The following ZBTB16 variants were observed in gnomAD, a reference collection of about 807,000 sequenced individuals.
The protein encoded by ZBTB16 is zinc finger and BTB domain containing 16.
A neutral mutation model predicts 56.8 loss-of-function variants in ZBTB16; 8 were observed. That is an observed-to-expected ratio of 0.14 (90% CI 0.08 to 0.25). The LOEUF is 0.25. Among genes scored for constraint, ZBTB16 ranks in the 10% least tolerant of loss-of-function variants. The probability of loss-of-function intolerance (pLI) is 1.00; values close to 1 mark genes in which losing one functional copy is unlikely to be tolerated. For missense variants in ZBTB16, 625 were observed against 903.0 expected (o/e 0.69, Z 3.95); for synonymous variants, 363 against 368.5 (o/e 0.98, Z 0.17).
chr11:114,116,307 A>G (rs1255466354), intron 2 of ZBTB16, among the ~76,000 whole-genome samples: 1 of 152,194 alleles, frequency 6.6e-6, no homozygotes, highest in Non-Finnish European at 1.5e-5. Context: ...TAGAGGCACA[A>G]CTGACTTTAT....
chr11:114,235,693 T>TCTTTCTTTCTC (rs10669266), intron 4 of ZBTB16, among the ~76,000 whole-genome samples: 1 of 114,304 alleles, frequency 8.7e-6, no homozygotes, highest in African/African-American at 3.2e-5. Context: ...TTTCTTTCTT[T>TCTTTCTTTCTC]TCTTTCTTTC....
At chr11:114,184,718 C>G (rs1382721694) in intron 3 of ZBTB16, among the ~76,000 whole-genome samples, 2 of 152,148 alleles carry the variant, frequency 1.3e-5, no homozygotes, top group Non-Finnish European at 2.9e-5. Flanking sequence ...TTGGGACAAA[C>G]CATACATACT....
At chr11:114,100,426 C>T (rs116518362) in intron 2 of ZBTB16, among the ~76,000 whole-genome samples, 1 of 152,248 alleles carries the variant, frequency 6.6e-6, no homozygotes, top group African/African-American at 2.4e-5. Context: ...AATATTCTTT[C>T]CTTACCACCC....
chr11:114,188,697 C>T (rs1179061045), intron 4 of ZBTB16: 2 of 152,170 alleles, frequency 1.3e-5, no homozygotes, highest in Non-Finnish European at 2.9e-5. Context: ...TGCTGCCTCT[C>T]ATGGAACTGA....
chr11:114,242,089 G>A, intron 4 of ZBTB16, 78 bp from the exon 5 acceptor site: 1 of 1,582,056 alleles, frequency 6.3e-7, no homozygotes. Flanking sequence ...TCCCGACACT[G>A]GCTCTCACTC....
intron 4 of ZBTB16, among the ~76,000 whole-genome samples, chr11:114,235,678 C>CTTTCTTTCTTTCTTTCT (rs1944559290): frequency 3.5e-5 from 1 of 28,540 alleles, no homozygotes; most frequent in African/African-American, 9.6e-5. Context: ...TTCTTTCTTT[C>CTTTCTTTCTTTCTTTCT]TTTCTTTCTT....
chr11:114,123,407 G>A (rs1027021335), intron 2 of ZBTB16, among the ~76,000 whole-genome samples: 3 of 152,052 alleles, frequency 2.0e-5, no homozygotes, highest in African/African-American at 7.3e-5. Context: ...CCTCATTGTC[G>A]AACTCAAACA....
At chr11:114,076,500 G>A (rs993122622) in intron 2 of ZBTB16, among the ~76,000 whole-genome samples, 1 of 152,140 alleles carries the variant, frequency 6.6e-6, no homozygotes, top group Non-Finnish European at 1.5e-5. Context: ...CTGCTTCGAA[G>A]GCGTTTGTAG....
At chr11:114,074,087 T>C (rs903157213) in intron 2 of ZBTB16, among the ~76,000 whole-genome samples, 1 of 152,216 alleles carries the variant, frequency 6.6e-6, no homozygotes, top group East Asian at 1.9e-4. Flanking sequence ...TACCTCTCAA[T>C]GTGGTTTTTA....
intron 2 of ZBTB16, among the ~76,000 whole-genome samples, chr11:114,106,223 T>A (rs1046209167): frequency 2.0e-5 from 3 of 152,082 alleles, no homozygotes; most frequent in African/African-American, 7.2e-5. Context: ...CTTTCTGAAG[T>A]GTTCCGTAGC....
intron 4 of ZBTB16, among the ~76,000 whole-genome samples, chr11:114,212,508 C>T (rs1944017353): frequency 6.6e-6 from 1 of 152,126 alleles, no homozygotes; most frequent in African/African-American, 2.4e-5. Context: ...TTCTCTGCTC[C>T]AATTTTCTCC....
At chr11:114,098,674 G>C (rs1263004542) in intron 2 of ZBTB16, among the ~76,000 whole-genome samples, 1 of 152,142 alleles carries the variant, frequency 6.6e-6, no homozygotes, top group Non-Finnish European at 1.5e-5. Flanking sequence ...AGCAAGGGAA[G>C]AGTCCAATAT....
chr11:114,090,606 G>A (rs1390047896), intron 2 of ZBTB16, among the ~76,000 whole-genome samples: 2 of 152,204 alleles, frequency 1.3e-5, no homozygotes, highest in Non-Finnish European at 2.9e-5. Flanking sequence ...CCAAATGTGT[G>A]GCTTTGATTC....
chr11:114,195,123 A>T (rs1274594285), intron 4 of ZBTB16, among the ~76,000 whole-genome samples: 1 of 152,156 alleles, frequency 6.6e-6, no homozygotes, highest in Non-Finnish European at 1.5e-5. Flanking sequence ...GTACATCCCC[A>T]TTTGGGACTT....
chr11:114,081,171 T>C (rs1939743112), intron 2 of ZBTB16, among the ~76,000 whole-genome samples: 1 of 152,196 alleles, frequency 6.6e-6, no homozygotes, highest in African/African-American at 2.4e-5. Context: ...GACTAGAATC[T>C]GACTTGAGAG....
chr11:114,179,925 A>C (rs576616018), intron 3 of ZBTB16, among the ~76,000 whole-genome samples: 15 of 152,166 alleles, frequency 9.9e-5, no homozygotes, highest in African/African-American at 3.4e-4. Flanking sequence ...CTTCCACTGG[A>C]TTTCAGCTTT....
rs546707710 is a variant in ZBTB16, at chr11:114,063,745, A to G, written c.445A>G (p.Lys149Glu). The change falls in exon 2 of 7, where the codon AAG (lysine) becomes GAG (glutamate). Residue 149 changes from lysine (K) to glutamate (E), a missense_variant. Transcript: ENST00000335953. This position sits in a 1 kb window ranked among gnomAD's most constrained non-coding sequence, Gnocchi z 6.5. ...CGGGGCCGAGGAAGAAGAGGACCGC[A>G]AGGCTCGGTACCTCAAGAACATCTT... The part of the protein sequence containing the change: ...DGGAEEEEDR[K>E]ARYLKNIFIS... The G allele has an allele frequency of 6.2e-7, 1 of 1,614,008 alleles. No homozygotes were observed. Among genetic ancestry groups the G allele is most frequent in the Non-Finnish European group, 8.5e-7 (1 of 1,180,030 alleles).
chr11:114,186,556 A>G (rs565494784), intron 3 of ZBTB16, among the ~76,000 whole-genome samples: 1 of 152,250 alleles, frequency 6.6e-6, no homozygotes, highest in African/African-American at 2.4e-5. Context: ...TATGTCAGCA[A>G]TTCTTACATT....
intron 2 of ZBTB16, among the ~76,000 whole-genome samples, chr11:114,068,525 G>A (rs1043082179): frequency 2.0e-5 from 3 of 152,194 alleles, no homozygotes; most frequent in African/African-American, 7.2e-5. Flanking sequence ...AGTCATGGAT[G>A]GGTGGGAAGA....
Sources: allele counts gnomAD v4.1 joint callset (sites outside exome capture counted in the v4.1 genomes callset), GRCh38; gene constraint gnomAD v4.1.1; non-coding constraint Gnocchi (gnomAD v3.1); transcripts MANE v1.5; gene names NCBI Gene and HGNC (gene_info 2026-07-23, HGNC 2026-07-21).